CLP1: variants seen among roughly 807,000 people sequenced by gnomAD.
CLP1 encodes the protein cleavage factor polyribonucleotide kinase subunit 1.
In CLP1, 18 loss-of-function variants were observed where a neutral mutation model predicts 29.9. That is an observed-to-expected ratio of 0.60 (90% CI 0.42 to 0.89). The LOEUF is 0.89. CLP1 is among the 40% of genes least tolerant of loss of function. CLP1 has a pLI of 0.00. For missense variants in CLP1, 357 were observed against 544.8 expected (o/e 0.66, Z 3.43); for synonymous variants, 162 against 206.2 (o/e 0.79, Z 1.84).
chr11:57,659,953 C>A lies in CLP1; in HGVS notation c.477C>A (p.Ile159=). The stretch of plus-strand genomic sequence containing the variant: ...ATGTGGGCCAGGGTTCTGTGTCCAT[C>A]CCTGGTACCATGGGGGCCCTCTACA... The part of the protein sequence containing the change: ...ELDVGQGSVS[I]PGTMGALYIE... The change falls in exon 2 of 3, where the codon ATC becomes ATA. Residue 159 remains isoleucine (I), a synonymous_variant. Transcript: ENST00000533682. 6.2e-7 allele frequency: 1 copy of A among 1,614,066 alleles called. No individual in the cohort carries two copies. Among genetic ancestry groups the A allele is most frequent in the Non-Finnish European group, 8.5e-7 (1 of 1,179,972 alleles).
Position 57,659,937 on chromosome 11 carries a change from AG to A in CLP1, c.464del (p.Gly155ValfsTer53). ...RPTYVELDVG[Q>X]GSVSIPGTMG... ...ACTTATGTGGAGCTGGATGTGGGCC[AG>A]GGTTCTGTGTCCATCCCTGGTACCA... On this transcript the variant is annotated frameshift_variant, in exon 2 of 3. Transcript: ENST00000533682. LOFTEE classifies it high-confidence loss of function. 1.9e-6 allele frequency: 3 copies of A among 1,614,020 alleles called. No individual in the cohort carries two copies. The highest frequency in any genetic ancestry group is 2.5e-6 in the Non-Finnish European group (3 of 1,180,016).
At chr11:57,659,424 A>G (rs1319416827) in intron 1 of CLP1, 31 bp from the exon 2 acceptor site, 1 of 1,600,354 alleles carries the variant, frequency 6.2e-7, no homozygotes, top group Non-Finnish European at 8.5e-7. Context: ...ACTGACTTAT[A>G]ATTAGATCTG....
chr11:57,661,043 A>C lies in CLP1; in HGVS notation c.885A>C (p.Glu295Asp), dbSNP rs1440028915. The part of the protein sequence containing the change: ...VVERSKDFRR[E>D]CRDERIREYF... ...AGCGCTCCAAGGACTTCCGGCGGGA[A>C]TGTAGGGATGAGCGTATCCGTGAGT... The change falls in exon 3 of 3, where the codon GAA becomes GAC. Residue 295 changes from glutamate to aspartate, a missense_variant. Glu to Asp is a conservative substitution (Grantham distance 45). Transcript: ENST00000533682. 3.7e-6 allele frequency: 6 copies of C among 1,614,080 alleles called. No individual in the cohort carries two copies. Among genetic ancestry groups the C allele is most frequent in the Non-Finnish European group, 5.1e-6 (6 of 1,180,044 alleles).
chr11:57,659,948 T>A lies in CLP1; in HGVS notation c.472T>A (p.Ser158Thr). 1 of 1,614,138 alleles carries A rather than the reference T, an allele frequency of 6.2e-7. No individual in the cohort carries two copies. The highest frequency in any genetic ancestry group is 8.5e-7 in the Non-Finnish European group (1 of 1,179,996). The change falls in exon 2 of 3, where the codon TCC (serine) becomes ACC (threonine). Residue 158 changes from serine (S) to threonine (T), a missense_variant. By Grantham distance (58) the Ser-to-Thr change is moderately conservative. Transcript: ENST00000533682. ...VELDVGQGSV[S>T]IPGTMGALYI... ...GCTGGATGTGGGCCAGGGTTCTGTG[T>A]CCATCCCTGGTACCATGGGGGCCCT...
At position 57,661,416 on chromosome 11, in the gene CLP1, C is replaced by T. The variant is rs1270735408; in HGVS notation, c.1258C>T (p.Arg420Trp). ...GAACTTCCTTCTCATCATGGATATCCGGTTCATGGATCTGAAGTAGAGATC... is the reference window on the plus strand; with the variant it reads ...GAACTTCCTTCTCATCATGGATATCTGGTTCATGGATCTGAAGTAGAGATC... ...PKNFLLIMDI[R>W]FMDLK The change falls in exon 3 of 3, where the codon CGG becomes TGG. Residue 420 changes from arginine (R) to tryptophan (W), a missense_variant. Transcript: ENST00000533682. 5.6e-6 allele frequency: 9 copies of T among 1,611,222 alleles called. No individual in the cohort carries two copies. The highest frequency in any genetic ancestry group is 1.7e-5 in the Admixed American group (1 of 59,818).
chr11:57,659,465 T>A lies in CLP1; in HGVS notation c.-12T>A. 1 of 1,613,800 alleles carries A rather than the reference T, an allele frequency of 6.2e-7. No individual in the cohort carries two copies. Among genetic ancestry groups the A allele is most frequent in the Non-Finnish European group, 8.5e-7 (1 of 1,179,816 alleles). On this transcript the variant is annotated 5_prime_UTR_variant, in exon 2 of 3. Coordinates refer to ENST00000533682, the MANE Select transcript of CLP1 (RefSeq NM_006831.3). Reference sequence around the variant, plus strand: ...TAATTTGTGTTCTAGGCACAGCAGCTACACAGAAGAGATGGGAGAAGAGGC... The same window carrying A: ...TAATTTGTGTTCTAGGCACAGCAGCAACACAGAAGAGATGGGAGAAGAGGC...
intron 2 of CLP1, among the ~76,000 whole-genome samples, chr11:57,660,460 G>A (rs1024365636): frequency 2.6e-5 from 4 of 152,144 alleles, no homozygotes; most frequent in Non-Finnish European, 4.4e-5. Context: ...TTGGAGAGCA[G>A]CCTGGCCAAC....
In CLP1 at chr11:57,659,442, AT is replaced by A; in HGVS notation, c.-22-10del. ...GACTTATAATTAGATCTGATATTTA[AT>A]TTGTGTTCTAGGCACAGCAGCTACA... On this transcript the variant is annotated splice_polypyrimidine_tract_variant and intron_variant, in intron 1 of 2. Coordinates refer to ENST00000533682, the MANE Select transcript of CLP1 (RefSeq NM_006831.3). The A allele has an allele frequency of 6.2e-7, 1 of 1,609,656 alleles. No individual in the cohort carries two copies. The highest frequency in any genetic ancestry group is 8.5e-7 in the Non-Finnish European group (1 of 1,177,036).
In CLP1 at chr11:57,659,292, T is replaced by C. The variant is rs1945850845; in HGVS notation, c.-22-163T>C. The C allele has an allele frequency of 7.9e-6, 5 of 636,372 alleles. No homozygotes were observed. The East Asian group carries it at 1.4e-4, about 17-fold the overall frequency. 39.4% of individuals were successfully genotyped at this position (636,372 alleles called of 1,614,324 possible). On this transcript the variant is annotated intron_variant, in intron 1 of 2. Transcript: ENST00000533682. ...TTAGTAGAGACAGGGTTTCACCATG[T>C]TGGCCAGGCTAGTCTTGAACTCCTG... is the stretch of plus-strand genomic sequence containing the variant.
chr11:57,661,720 T>C lies in CLP1; in HGVS notation c.*284T>C, dbSNP rs914234063. 8.3e-6 allele frequency: 3 copies of C among 360,960 alleles called. No individual in the cohort carries two copies. Among genetic ancestry groups the C allele is most frequent in the Non-Finnish European group, 1.5e-5 (3 of 199,682 alleles). The allele number at this position is 360,960 out of a possible 1,614,324, so 22.4% of individuals were successfully genotyped here. On this transcript the variant is annotated 3_prime_UTR_variant, in exon 3 of 3. Transcript: ENST00000533682. ...TTGCATTTCTTTCACTGTGCTACTA[T>C]GTGGTTTTTAAAAAATCAATGCTTT...
chr11:57,660,457 G>A (rs1945864667), intron 2 of CLP1, among the ~76,000 whole-genome samples: 1 of 152,100 alleles, frequency 6.6e-6, no homozygotes. Context: ...GAGTTGGAGA[G>A]CAGCCTGGCC....
At position 57,659,823 on chromosome 11, in the gene CLP1, G is replaced by T. The variant is rs774552487; in HGVS notation, c.347G>T (p.Arg116Leu). 1 of 1,614,046 alleles carries T rather than the reference G, an allele frequency of 6.2e-7. No homozygotes were observed. The highest frequency in any genetic ancestry group is 2.2e-5 in the East Asian group (1 of 44,884). Residue 116 changes from arginine (R) to leucine (L), a missense_variant, in exon 2 of 3, where the codon CGA (arginine) becomes CTA (leucine). By Grantham distance (102) the Arg-to-Leu change is moderately radical. Coordinates refer to ENST00000533682, the MANE Select transcript of CLP1 (RefSeq NM_006831.3). ...QAEKEEERGP[R>L]VMVVGPTDVG... Reference sequence around the variant, plus strand: ...GAAAAGGAAGAAGAGCGAGGTCCCCGAGTGATGGTAGTGGGCCCCACTGAT... The same window carrying T: ...GAAAAGGAAGAAGAGCGAGGTCCCCTAGTGATGGTAGTGGGCCCCACTGAT...
intron 2 of CLP1, 118 bp from the exon 3 acceptor site, chr11:57,660,647 C>G: frequency 1.2e-6 from 1 of 854,290 alleles, no homozygotes; most frequent in South Asian, 1.8e-5. Flanking sequence ...GAGTGAGACT[C>G]CATTTCAAAA....
At chr11:57,658,342 G>C (rs1260165405) in intron 1 of CLP1, among the ~76,000 whole-genome samples, 1 of 152,190 alleles carries the variant, frequency 6.6e-6, no homozygotes, top group Non-Finnish European at 1.5e-5. Flanking sequence ...GAGTGATGGA[G>C]GGTGATATAA....
Position 57,661,516 on chromosome 11 carries a change from CTG to C in CLP1, c.*82_*83del. The C allele has an allele frequency of 1.7e-6, 2 of 1,188,048 alleles. No homozygotes were observed. Among genetic ancestry groups the C allele is most frequent in the South Asian group, 2.9e-5 (2 of 69,070 alleles). The allele number at this position is 1,188,048 out of a possible 1,614,324, so 73.6% of individuals were successfully genotyped here. A position where few individuals can be genotyped will look rare whatever the true frequency, so the allele number is the denominator to read the frequency against. ...GAGGCAGATGGGCTGAGATAAAAGA[CTG>C]TTGGGGCCACCTGACCAGTAAACTG... is the stretch of plus-strand genomic sequence containing the variant. On this transcript the variant is annotated 3_prime_UTR_variant, in exon 3 of 3. Transcript: ENST00000533682.
In CLP1 at chr11:57,661,835, T is replaced by A. The variant is rs1945879933; in HGVS notation, c.*399T>A. The A allele has an allele frequency of 9.8e-6, 2 of 204,532 alleles. No individual in the cohort carries two copies. Among genetic ancestry groups the A allele is most frequent in the African/African-American group, 4.6e-5 (2 of 43,560 alleles). 12.7% of individuals were successfully genotyped at this position (204,532 alleles called of 1,614,324 possible). ...CAATAAAGTTCAAACTTAAAAAAAATCATTTTAATAAATATTTTTGCCATA... is the reference window on the plus strand; with the variant it reads ...CAATAAAGTTCAAACTTAAAAAAAAACATTTTAATAAATATTTTTGCCATA... On this transcript the variant is annotated 3_prime_UTR_variant, in exon 3 of 3. Transcript: ENST00000533682.
At position 57,660,846 on chromosome 11, in the gene CLP1, A is replaced by G; in HGVS notation, c.688A>G (p.Thr230Ala). Reference sequence around the variant, plus strand: ...ATCTGTGAGTGGCTGTGTCATTAACACCTGTGGCTGGGTCAAGGGCTCTGG... The same window carrying G: ...ATCTGTGAGTGGCTGTGTCATTAACGCCTGTGGCTGGGTCAAGGGCTCTGG... ...RASVSGCVIN[T>A]CGWVKGSGYQ... Residue 230 changes from threonine (T) to alanine (A), a missense_variant, in exon 3 of 3, where the codon ACC becomes GCC. By Grantham distance (58) the Thr-to-Ala change is moderately conservative. Transcript: ENST00000533682. 6.2e-7 allele frequency: 1 copy of G among 1,614,062 alleles called. No homozygotes were observed. Among genetic ancestry groups the G allele is most frequent in the Non-Finnish European group, 8.5e-7 (1 of 1,179,974 alleles).
At chr11:57,660,218 G>A in intron 2 of CLP1, 136 bp downstream of exon 2, 2 of 906,740 alleles carry the variant, frequency 2.2e-6, no homozygotes, top group Admixed American at 3.2e-5. Flanking sequence ...TTCCAAATAT[G>A]TCAGTCTCAG....
rs1216079956 is a variant in CLP1 at position 57,659,841 on chromosome 11, C to T, written c.365C>T (p.Pro122Leu). Reference sequence around the variant, plus strand: ...GGTCCCCGAGTGATGGTAGTGGGCCCCACTGATGTGGGCAAGTCTACAGTG... The same window carrying T: ...GGTCCCCGAGTGATGGTAGTGGGCCTCACTGATGTGGGCAAGTCTACAGTG... ...ERGPRVMVVG[P>L]TDVGKSTVCR... The change falls in exon 2 of 3, where the codon CCC (proline) becomes CTC (leucine). Residue 122 changes from proline to leucine, a missense_variant. Transcript: ENST00000533682. 6.2e-7 allele frequency: 1 copy of T among 1,614,148 alleles called. No individual in the cohort carries two copies.
Sources: allele counts gnomAD v4.1 joint callset (sites outside exome capture counted in the v4.1 genomes callset), GRCh38; gene constraint gnomAD v4.1.1; transcripts MANE v1.5; gene names NCBI Gene and HGNC (gene_info 2026-07-23, HGNC 2026-07-21).